Variants in AGBL4 observed in about 807,000 individuals in gnomAD.
The protein encoded by AGBL4 is AGBL carboxypeptidase 4, also known as cytosolic carboxypeptidase 6.
AGBL4 carries 58 observed loss-of-function variants against 66.4 expected under a neutral mutation model. That is an observed-to-expected ratio of 0.87 (90% CI 0.71 to 1.09). The LOEUF is 1.09. Among genes scored for constraint, AGBL4 ranks in the 50% least tolerant of loss-of-function variants. The pLI is 0.00. For missense variants in AGBL4, 579 were observed against 631.0 expected, an observed-to-expected ratio of 0.92 and a Z score of 0.88; for synonymous variants, 234 against 222.9, an observed-to-expected ratio of 1.05 and a Z score of -0.44.
At chr1:49,830,280 TCTC>T (rs1645631546) in intron 2 of AGBL4, among the ~76,000 whole-genome samples, 3 of 151,466 alleles carry the variant, frequency 2.0e-5, no homozygotes, top group Admixed American at 1.3e-4. Context: ...CAGCATGTTA[TCTC>T]CTGACTTTTT....
intron 3 of AGBL4, among the ~76,000 whole-genome samples, chr1:49,541,275 C>T (rs899734302): frequency 5.3e-5 from 8 of 152,170 alleles, no homozygotes; most frequent in Admixed American, 1.3e-4. Context: ...TATGGGAGCC[C>T]CTCTCTGGGC....
At chr1:49,580,265 A>G (rs1471539257) in intron 3 of AGBL4, among the ~76,000 whole-genome samples, 1 of 152,188 alleles carries the variant, frequency 6.6e-6, no homozygotes, top group Non-Finnish European at 1.5e-5. Flanking sequence ...TTTAAAATCC[A>G]TTCAGACAAT....
intron 3 of AGBL4, among the ~76,000 whole-genome samples, chr1:49,310,858 C>T (rs948906592): frequency 6.6e-6 from 1 of 151,732 alleles, no homozygotes; most frequent in Admixed American, 6.6e-5. Flanking sequence ...AATATTATTC[C>T]CCAAACTAGG....
chr1:49,779,412 G>C (rs923517539), intron 2 of AGBL4, among the ~76,000 whole-genome samples: 1 of 152,132 alleles, frequency 6.6e-6, no homozygotes, highest in African/African-American at 2.4e-5. Flanking sequence ...ACGGTAAGGT[G>C]GTAACATGTA....
intron 2 of AGBL4, among the ~76,000 whole-genome samples, chr1:49,707,367 C>CTTTTTTTTTTTTTTTTTT (rs34368394): frequency 1.3e-5 from 1 of 76,218 alleles, no homozygotes; most frequent in Non-Finnish European, 2.5e-5. Flanking sequence ...GCAACCCCTG[C>CTTTTTTTTTTTTTTTTTT]TTTTTTTTTT....
intron 6 of AGBL4, among the ~76,000 whole-genome samples, chr1:48,665,087 G>A (rs1490665452): frequency 6.6e-6 from 1 of 152,196 alleles, no homozygotes; most frequent in Non-Finnish European, 1.5e-5. Context: ...AAAGGCTTGG[G>A]ACTTGCTTGT....
At chr1:49,380,038 T>C (rs1344032206) in intron 3 of AGBL4, among the ~76,000 whole-genome samples, 1 of 152,038 alleles carries the variant, frequency 6.6e-6, no homozygotes, top group Non-Finnish European at 1.5e-5. Context: ...GGGTATTCAA[T>C]TAGGAAAAGA....
intron 5 of AGBL4, among the ~76,000 whole-genome samples, chr1:49,006,364 T>C (rs1661812725): frequency 6.6e-6 from 1 of 152,068 alleles, no homozygotes; most frequent in African/African-American, 2.4e-5. Flanking sequence ...CACACCTGGC[T>C]CGGAGGGTCC....
chr1:48,809,312 G>A lies in AGBL4; in HGVS notation c.634+57879C>T, dbSNP rs532882248. Among the ~76,000 whole-genome samples the A allele has an allele frequency of 3.9e-5, 6 of 152,292 alleles. No individual in the cohort carries two copies. In the South Asian group the frequency reaches 1.2e-3, roughly 32 times the overall value. On this transcript the variant is annotated intron_variant, in intron 6 of 13. Transcript: ENST00000371839. ...TTGTCCCATTTATAGATCGGAAAAA[G>A]GTGTGACTTTGGTTGTGATAGTATT... is the stretch of plus-strand genomic sequence containing the variant.
At chr1:49,238,497 C>CA (rs1650962022) in intron 4 of AGBL4, among the ~76,000 whole-genome samples, 1 of 152,156 alleles carries the variant, frequency 6.6e-6, no homozygotes, top group Admixed American at 6.6e-5. Flanking sequence ...TGGAAGGTCA[C>CA]ATTCCCCATG....
chr1:49,989,403 C>G (rs1469301426), intron 1 of AGBL4, among the ~76,000 whole-genome samples: 1 of 152,156 alleles, frequency 6.6e-6, no homozygotes, highest in Non-Finnish European at 1.5e-5. Flanking sequence ...GGGACAAGTA[C>G]AGCAGAGACA....
intron 6 of AGBL4, among the ~76,000 whole-genome samples, chr1:48,695,333 G>A (rs1646698046): frequency 6.6e-6 from 1 of 152,140 alleles, no homozygotes; most frequent in Admixed American, 6.5e-5. Context: ...GGGAGAGCTG[G>A]GGCCGCACAA....
intron 3 of AGBL4, among the ~76,000 whole-genome samples, chr1:49,549,711 T>C (rs899946079): frequency 1.3e-5 from 2 of 152,200 alleles, no homozygotes; most frequent in African/African-American, 2.4e-5. Flanking sequence ...ATATGGTCTA[T>C]CTTGGAGAAA....
chr1:48,662,106 G>A (rs537847542), intron 7 of AGBL4, among the ~76,000 whole-genome samples: 5 of 152,308 alleles, frequency 3.3e-5, no homozygotes, highest in East Asian at 1.9e-4. Context: ...GTAAGAATAC[G>A]AACTGGGAAA....
the AGBL4 span, among the ~76,000 whole-genome samples, chr1:48,522,535 C>T: frequency 6.6e-6 from 1 of 152,174 alleles, no homozygotes; most frequent in Non-Finnish European, 1.5e-5. Context: ...AGATAAAACA[C>T]TGCTTTATTT....
chr1:49,923,936 C>T (rs1652511825), intron 1 of AGBL4, among the ~76,000 whole-genome samples: 1 of 152,122 alleles, frequency 6.6e-6, no homozygotes, highest in African/African-American at 2.4e-5. Context: ...AAAGACAGAA[C>T]TACCATTCAA....
the AGBL4 span, among the ~76,000 whole-genome samples, chr1:48,523,279 A>C: frequency 6.6e-5 from 10 of 152,110 alleles, no homozygotes; most frequent in African/African-American, 2.4e-4. Flanking sequence ...TGATGTCCTC[A>C]CTTGTCCCCA....
intron 3 of AGBL4, among the ~76,000 whole-genome samples, chr1:49,270,340 C>T (rs778970698): frequency 6.6e-6 from 1 of 152,136 alleles, no homozygotes; most frequent in Non-Finnish European, 1.5e-5. Flanking sequence ...TTTCCACCAT[C>T]GGGGGGACAT....
intron 6 of AGBL4, among the ~76,000 whole-genome samples, chr1:48,684,944 C>A (rs1173965325): frequency 6.6e-6 from 1 of 152,226 alleles, no homozygotes; most frequent in Admixed American, 6.5e-5. Context: ...CCTGCCTTCA[C>A]TTCTCAGGCC....
Sources: gnomAD v4.1 joint callset for allele counts (sites outside exome capture counted in the v4.1 genomes callset) on GRCh38, gnomAD v4.1.1 for gene constraint, MANE v1.5 for transcripts, NCBI Gene and HGNC (gene_info 2026-07-23, HGNC 2026-07-21) for gene names.